Variants in SLC14A2 observed in about 807,000 individuals in gnomAD.
SLC14A2 encodes the protein urea transporter 2.
SLC14A2 carries 91 observed loss-of-function variants against 104.6 expected under a neutral mutation model. That is an observed-to-expected ratio of 0.87 (90% CI 0.73 to 1.04). The LOEUF (loss-of-function observed/expected upper bound fraction) is 1.04. SLC14A2 is among the 50% of genes least tolerant of loss of function. The pLI is 0.00. For synonymous variants in SLC14A2, 476 were observed against 466.4 expected, an observed-to-expected ratio of 1.02 and a Z score of -0.27; for missense variants, 1,189 against 1,156.0, an observed-to-expected ratio of 1.03 and a Z score of -0.41.
intron 1 of SLC14A2, among the ~76,000 whole-genome samples, chr18:45,230,994 T>C (rs1231529240): frequency 6.6e-6 from 1 of 152,182 alleles, no homozygotes; most frequent in East Asian, 1.9e-4. Context: ...ACAACAAAAG[T>C]GTATTGGCAA....
At chr18:45,584,189 C>G (rs2044536336) in intron 2 of SLC14A2, among the ~76,000 whole-genome samples, 1 of 152,128 alleles carries the variant, frequency 6.6e-6, no homozygotes, top group Non-Finnish European at 1.5e-5. Context: ...ACCTGGCCAC[C>G]ATGTTTTTTT....
At chr18:45,670,806 A>T (rs2046119639) in intron 16 of SLC14A2, among the ~76,000 whole-genome samples, 1 of 152,146 alleles carries the variant, frequency 6.6e-6, no homozygotes, top group Non-Finnish European at 1.5e-5. Context: ...GACTACAGTC[A>T]TGTGCCACCA....
Position 45,663,886 on chromosome 18 carries a change from T to C in SLC14A2, c.1453T>C (p.Ser485Pro), listed in dbSNP as rs2045971524. 6.2e-7 allele frequency: 1 copy of C among 1,613,202 alleles called. No homozygotes were observed. Among genetic ancestry groups the C allele is most frequent in the Non-Finnish European group, 8.5e-7 (1 of 1,179,736 alleles). The change falls in exon 11 of 20, where the codon TCC becomes CCC. Residue 485 changes from serine to proline, a missense_variant. Ser to Pro is a moderately conservative substitution (Grantham distance 74). Transcript: ENST00000255226. ...HRSVFHIEWS[S>P]IRRRSKVFGK... is the part of the protein sequence containing the mutation. Reference sequence around the variant, plus strand: ...GAGTGTATTTCACATCGAGTGGTCATCCATTCGGAGGAGGAGCAAAGGTGT... The same window carrying C: ...GAGTGTATTTCACATCGAGTGGTCACCCATTCGGAGGAGGAGCAAAGGTGT...
intron 2 of SLC14A2, among the ~76,000 whole-genome samples, chr18:45,555,670 C>CA (rs1025647544): frequency 2.6e-4 from 39 of 152,196 alleles, no homozygotes; most frequent in Non-Finnish European, 5.6e-4. Flanking sequence ...TATTATGAAT[C>CA]AAAAAATGCT....
At chr18:45,659,580 T>C (rs2045900859) in intron 10 of SLC14A2, among the ~76,000 whole-genome samples, 1 of 152,244 alleles carries the variant, frequency 6.6e-6, no homozygotes, top group South Asian at 2.1e-4. Flanking sequence ...TGATCATAAA[T>C]GACCAACCTT....
At chr18:45,299,360 T>A (rs764121572) in intron 1 of SLC14A2, among the ~76,000 whole-genome samples, 1 of 152,244 alleles carries the variant, frequency 6.6e-6, no homozygotes, top group Non-Finnish European at 1.5e-5. Flanking sequence ...TTTTTGGTTG[T>A]CCTTCGACAC....
At chr18:45,574,232 G>T (rs1234179880) in intron 2 of SLC14A2, among the ~76,000 whole-genome samples, 1 of 152,196 alleles carries the variant, frequency 6.6e-6, no homozygotes, top group African/African-American at 2.4e-5. Context: ...ATGCATGTGT[G>T]TGTAATGTAG....
chr18:45,473,512 C>T (rs1022175421), intron 1 of SLC14A2, among the ~76,000 whole-genome samples: 1 of 151,972 alleles, frequency 6.6e-6, no homozygotes, highest in African/African-American at 2.4e-5. Context: ...CCATGAGCAT[C>T]AAGTGTTTTT....
chr18:45,458,249 G>A (rs947543079), intron 1 of SLC14A2, among the ~76,000 whole-genome samples: 5 of 152,178 alleles, frequency 3.3e-5, no homozygotes, highest in Non-Finnish European at 5.9e-5. Flanking sequence ...TGCAGCAACA[G>A]GCATTAATAT....
At chr18:45,424,351 T>G (rs2086392770) in intron 1 of SLC14A2, among the ~76,000 whole-genome samples, 1 of 152,220 alleles carries the variant, frequency 6.6e-6, no homozygotes. Context: ...AGTGCTCATA[T>G]TCTGGGGTTC....
At chr18:45,475,178 T>C (rs1461582717) in intron 1 of SLC14A2, among the ~76,000 whole-genome samples, 1 of 152,218 alleles carries the variant, frequency 6.6e-6, no homozygotes, top group African/African-American at 2.4e-5. Context: ...TTCCACATAG[T>C]TGTGCAGTTC....
chr18:45,278,133 G>A (rs1330169591), intron 1 of SLC14A2, among the ~76,000 whole-genome samples: 1 of 152,174 alleles, frequency 6.6e-6, no homozygotes, highest in Non-Finnish European at 1.5e-5. Flanking sequence ...GCTATTTCCA[G>A]GAGCTTTCCA....
chr18:45,382,625 G>A (rs961473662), intron 1 of SLC14A2, among the ~76,000 whole-genome samples: 2 of 152,186 alleles, frequency 1.3e-5, no homozygotes, highest in Non-Finnish European at 2.9e-5. Context: ...GAATCAAAGT[G>A]AGTTTAAGGC....
the SLC14A2 span, among the ~76,000 whole-genome samples, chr18:45,201,260 C>T: frequency 1.3e-5 from 2 of 152,040 alleles, no homozygotes; most frequent in Non-Finnish European, 2.9e-5. Flanking sequence ...ATGCTGTATG[C>T]ACTCTTTGGA....
At position 45,369,116 on chromosome 18, in the gene SLC14A2, TA is replaced by T. The variant is rs2085696215; in HGVS notation, c.-124-114114del. Among the ~76,000 whole-genome samples the T allele has an allele frequency of 3.9e-5, 6 of 152,220 alleles. No individual in the cohort carries two copies. The South Asian group carries it at 1.2e-3, about 32-fold the overall frequency. ...TCTCAGTCAACATGGGAAAAGCAAA[TA>T]AACACTAACACTGCTCATCTTTCCC... On this transcript the variant is annotated intron_variant, in intron 1 of 20. Coordinates refer to the SLC14A2 transcript ENST00000586448.
intron 1 of SLC14A2, among the ~76,000 whole-genome samples, chr18:45,228,674 G>A (rs1295909458): frequency 1.3e-5 from 2 of 152,130 alleles, no homozygotes; most frequent in African/African-American, 4.8e-5. Flanking sequence ...AAAGTTTAGG[G>A]TGTCTCCACA....
At chr18:45,612,881 C>T (rs2044994838), upstream of SLC14A2, among the ~76,000 whole-genome samples, 2 of 152,190 alleles carry the variant, frequency 1.3e-5, no homozygotes, top group Admixed American at 6.5e-5. Context: ...CTCCTTCTCA[C>T]ACACTCTCTC....
chr18:45,386,565 C>A (rs1250372501), intron 1 of SLC14A2, among the ~76,000 whole-genome samples: 7 of 152,194 alleles, frequency 4.6e-5, no homozygotes, highest in African/African-American at 1.7e-4. Flanking sequence ...TGCTTCCTGC[C>A]CCATGGCTGT....
the SLC14A2 span, among the ~76,000 whole-genome samples, chr18:45,178,817 T>C: frequency 1.3e-5 from 2 of 152,192 alleles, no homozygotes; most frequent in Non-Finnish European, 2.9e-5. Flanking sequence ...AAATCCTTGA[T>C]GCATACCCTA....
Sources: gnomAD v4.1 joint callset for allele counts (sites outside exome capture counted in the v4.1 genomes callset) on GRCh38, gnomAD v4.1.1 for gene constraint, MANE v1.5 for transcripts, NCBI Gene and HGNC (gene_info 2026-07-23, HGNC 2026-07-21) for gene names.